TAFA2: variants seen among roughly 807,000 people sequenced by gnomAD.
The protein encoded by TAFA2 is TAFA chemokine like family member 2, also known as chemokine-like protein TAFA-2.
Under a neutral mutation model 18.8 loss-of-function variants are expected in TAFA2, and 7 were observed. The ratio of observed to expected loss-of-function variants is 0.37; its 90% CI spans 0.21 to 0.70. The LOEUF (loss-of-function observed/expected upper bound fraction) is 0.70. TAFA2 is among the 30% of genes least tolerant of loss of function. The pLI, the probability that TAFA2 is intolerant of heterozygous loss-of-function variation, is 0.53. For missense variants in TAFA2, 122 were observed against 158.1 expected, an observed-to-expected ratio of 0.77 and a Z score of 1.23; for synonymous variants, 60 against 54.2, an observed-to-expected ratio of 1.11 and a Z score of -0.47.
At chr12:62,043,609 GTAA>G (rs1881828725) in intron 1 of TAFA2, among the ~76,000 whole-genome samples, 2 of 151,812 alleles carry the variant, frequency 1.3e-5, no homozygotes, top group Non-Finnish European at 2.9e-5. Context: ...AACTTAAAGT[GTAA>G]TAATAATAAA....
intron 1 of TAFA2, among the ~76,000 whole-genome samples, chr12:62,016,584 G>A (rs1303956608): frequency 6.6e-6 from 1 of 152,090 alleles, no homozygotes; most frequent in Non-Finnish European, 1.5e-5. Context: ...AGAAAATTTA[G>A]AATCAAGATG....
chr12:61,720,036 C>T (rs1197951273), intron 4 of TAFA2, among the ~76,000 whole-genome samples: 4 of 148,018 alleles, frequency 2.7e-5, no homozygotes, highest in Admixed American at 2.7e-4. Context: ...GGTGCTTTTG[C>T]TTTTTTTTTT....
intron 1 of TAFA2, among the ~76,000 whole-genome samples, chr12:62,138,363 C>T (rs2136903979): frequency 6.6e-6 from 1 of 152,162 alleles, no homozygotes; most frequent in South Asian, 2.1e-4. Context: ...TTATTTTTTC[C>T]ATGGTATGTA....
intron 4 of TAFA2, among the ~76,000 whole-genome samples, chr12:61,745,809 C>T (rs1290331409): frequency 2.6e-5 from 4 of 151,768 alleles, no homozygotes; most frequent in Admixed American, 1.3e-4. Flanking sequence ...TCTAGGAGGA[C>T]ACAATGTAAT....
At position 62,003,466 on chromosome 12, in the gene TAFA2, T is replaced by A. The variant is rs375948122; in HGVS notation, c.-1-136040A>T. Among the ~76,000 whole-genome samples, 4 of 152,182 alleles carry A rather than the reference T, an allele frequency of 2.6e-5. No individual in the cohort carries two copies. In the East Asian group the frequency reaches 7.7e-4, roughly 29 times the overall value. The stretch of plus-strand genomic sequence containing the variant: ...GCCTAGAATGTTCTTACCCTAGATA[T>A]ACTCTCTTGACTTCCTCCTTTGCCT... On this transcript the variant is annotated intron_variant, in intron 1 of 4. Coordinates refer to ENST00000416284, the MANE Select transcript of TAFA2 (RefSeq NM_178539.5).
intron 1 of TAFA2, among the ~76,000 whole-genome samples, chr12:62,234,043 G>GAA (rs1432413911): frequency 6.6e-6 from 1 of 152,190 alleles, no homozygotes; most frequent in Non-Finnish European, 1.5e-5. Flanking sequence ...CTGCTCTGCA[G>GAA]AGGCAGGGTG....
At chr12:61,726,625 GC>G (rs2120629734) in intron 4 of TAFA2, among the ~76,000 whole-genome samples, 2 of 152,124 alleles carry the variant, frequency 1.3e-5, no homozygotes, top group South Asian at 4.2e-4. Context: ...AGATCTAGGA[GC>G]TTTTTGGATG....
chr12:62,234,761 T>C, intron 1 of TAFA2: 3 of 1,083,118 alleles, frequency 2.8e-6, no homozygotes, highest in Non-Finnish European at 4.3e-6. Context: ...AGTTCTGCTC[T>C]GCTGTCTGTG....
At chr12:62,158,031 T>A (rs1592372650) in intron 1 of TAFA2, among the ~76,000 whole-genome samples, 1 of 152,212 alleles carries the variant, frequency 6.6e-6, no homozygotes, top group South Asian at 2.1e-4. Flanking sequence ...TTCTCATTCT[T>A]ATGTGACTCT....
chr12:61,785,152 C>A (rs149104951), intron 2 of TAFA2, among the ~76,000 whole-genome samples: 323 of 151,722 alleles, frequency 2.1e-3, no homozygotes, highest in African/African-American at 6.9e-3. Context: ...CTCTGTTCTA[C>A]ATGTTACTTC....
chr12:61,738,324 CACACAA>C (rs1177294197), intron 4 of TAFA2, among the ~76,000 whole-genome samples: 1 of 147,624 alleles, frequency 6.8e-6, no homozygotes, highest in African/African-American at 2.5e-5. Context: ...CACACACACA[CACACAA>C]ACCTAGCTCA....
intron 1 of TAFA2, among the ~76,000 whole-genome samples, chr12:62,025,702 A>C (rs1881290301): frequency 6.6e-6 from 1 of 152,104 alleles, no homozygotes; most frequent in Non-Finnish European, 1.5e-5. Flanking sequence ...TGTAACACTT[A>C]GTAGAGGATA....
Position 61,730,196 on chromosome 12 carries a change from C to A in TAFA2, c.385-19779G>T, listed in dbSNP as rs149083129. On this transcript the variant is annotated intron_variant, in intron 4 of 4. Transcript: ENST00000416284. ...TCTTTAGTGCACTGGTTTTTCTGAA[C>A]ACTGATTATGCTAGCAGTGAAGCTG... 2.0e-3 allele frequency among the ~76,000 whole-genome samples: 304 copies of A among 152,202 alleles called. 1 individual carries two copies. Among genetic ancestry groups the A allele is most frequent in the Middle Eastern group, 6.8e-3 (2 of 294 alleles).
intron 1 of TAFA2, among the ~76,000 whole-genome samples, chr12:62,007,753 A>G (rs2136708531): frequency 7.2e-6 from 1 of 138,794 alleles, no homozygotes; most frequent in East Asian, 2.1e-4. Context: ...TGTGATATTT[A>G]CATACATGTA....
intron 1 of TAFA2, chr12:62,235,459 C>A: frequency 3.2e-6 from 2 of 630,300 alleles, no homozygotes; most frequent in Admixed American, 4.9e-5. Context: ...GCGCCGCCTG[C>A]CACTGGCTCA....
At chr12:62,209,276 A>C (rs1319696193) in intron 1 of TAFA2, among the ~76,000 whole-genome samples, 1 of 152,192 alleles carries the variant, frequency 6.6e-6, no homozygotes, top group African/African-American at 2.4e-5. Flanking sequence ...CATAATAGTG[A>C]GTAAGTTCTC....
At chr12:61,941,213 A>G (rs529759472) in intron 1 of TAFA2, among the ~76,000 whole-genome samples, 1 of 152,288 alleles carries the variant, frequency 6.6e-6, no homozygotes, top group South Asian at 2.1e-4. Flanking sequence ...ACAAAAACTT[A>G]TATTACTAAT....
At chr12:62,186,402 G>A (rs754476104) in intron 1 of TAFA2, among the ~76,000 whole-genome samples, 9 of 152,094 alleles carry the variant, frequency 5.9e-5, no homozygotes, top group Non-Finnish European at 1.3e-4. Flanking sequence ...CATGTAGAGA[G>A]TTAGCTTTAC....
At chr12:62,135,174 G>A (rs1162778344) in intron 1 of TAFA2, among the ~76,000 whole-genome samples, 1 of 152,010 alleles carries the variant, frequency 6.6e-6, no homozygotes, top group Non-Finnish European at 1.5e-5. Flanking sequence ...ACACATAGTA[G>A]GTGCTCAATA....
Sources: gnomAD v4.1 joint callset for allele counts (sites outside exome capture counted in the v4.1 genomes callset) on GRCh38, gnomAD v4.1.1 for gene constraint, MANE v1.5 for transcripts, NCBI Gene and HGNC (gene_info 2026-07-23, HGNC 2026-07-21) for gene names.